KCNQ4: variants seen among roughly 807,000 people sequenced by gnomAD.
KCNQ4 encodes potassium voltage-gated channel subfamily KQT member 4.
In KCNQ4, 31 loss-of-function variants were observed where a neutral mutation model predicts 72.6. The observed-to-expected ratio is 0.43, with a 90% CI of 0.32 to 0.58. The LOEUF (loss-of-function observed/expected upper bound fraction) is 0.58. Among genes scored for constraint, KCNQ4 ranks in the 20% least tolerant of loss-of-function variants. KCNQ4 has a pLI of 0.08. For missense variants in KCNQ4, 869 were observed against 962.6 expected, an observed-to-expected ratio of 0.90 and a Z score of 1.29; for synonymous variants, 405 against 403.7, an observed-to-expected ratio of 1.00 and a Z score of -0.04.
At chr1:40,787,639 G>C (rs551124110) in intron 1 of KCNQ4, among the ~76,000 whole-genome samples, 2 of 152,260 alleles carry the variant, frequency 1.3e-5, no homozygotes, top group Admixed American at 1.3e-4. Flanking sequence ...GGGCCACTGA[G>C]CCCCTCTCCA....
chr1:40,787,917 C>G (rs1237078768), intron 1 of KCNQ4, among the ~76,000 whole-genome samples: 2 of 152,198 alleles, frequency 1.3e-5, no homozygotes, highest in South Asian at 4.1e-4. Flanking sequence ...CTTCATCCTC[C>G]CCAGCCACTA....
chr1:40,811,863 C>T (rs1558006297), intron 1 of KCNQ4, among the ~76,000 whole-genome samples: 1 of 152,182 alleles, frequency 6.6e-6, no homozygotes, highest in Non-Finnish European at 1.5e-5. Context: ...TTAGAGAGGG[C>T]CCAGGCCAGC....
At chr1:40,796,915 CAAATAAATAAATAAAT>C (rs3070277) in intron 1 of KCNQ4, among the ~76,000 whole-genome samples, 1 of 147,266 alleles carries the variant, frequency 6.8e-6, no homozygotes, top group East Asian at 2.0e-4. Flanking sequence ...GAGACTCCAT[CAAATAAATAAATAAAT>C]AAATAAATAA....
At chr1:40,803,282 G>A (rs1647640139) in intron 1 of KCNQ4, among the ~76,000 whole-genome samples, 1 of 152,146 alleles carries the variant, frequency 6.6e-6, no homozygotes, top group African/African-American at 2.4e-5. Context: ...AAAAAATAGG[G>A]CCCTCAGAGA....
intron 8 of KCNQ4, 141 bp downstream of exon 8, chr1:40,822,543 A>T (rs943914760): frequency 1.3e-5 from 9 of 676,732 alleles, no homozygotes; most frequent in Non-Finnish European, 2.4e-5. Context: ...TGCAGATCCT[A>T]TGTAATTCAG....
At chr1:40,836,616 T>G (rs928275428) in intron 12 of KCNQ4, among the ~76,000 whole-genome samples, 13 of 152,104 alleles carry the variant, frequency 8.5e-5, no homozygotes, top group African/African-American at 3.1e-4. Context: ...CTGCAGTGTT[T>G]CCAGGTTGCA....
chr1:40,809,427 C>T (rs1289112560), intron 1 of KCNQ4, among the ~76,000 whole-genome samples: 1 of 152,124 alleles, frequency 6.6e-6, no homozygotes, highest in Non-Finnish European at 1.5e-5. Flanking sequence ...CTCAACATGC[C>T]CACCACCCAA....
At chr1:40,820,050 C>G (rs1648240942) in intron 6 of KCNQ4, 65 bp downstream of exon 6, 5 of 1,544,252 alleles carry the variant, frequency 3.2e-6, no homozygotes, top group Non-Finnish European at 4.5e-6. Flanking sequence ...CCCTGTCACA[C>G]ATTTGCCTGG....
chr1:40,826,893 C>T (rs1438173957), intron 9 of KCNQ4, among the ~76,000 whole-genome samples: 1 of 152,272 alleles, frequency 6.6e-6, no homozygotes, highest in Non-Finnish European at 1.5e-5. Context: ...CCAGGAGGGG[C>T]ACGTGCAGGA....
chr1:40,790,286 G>A (rs928124817), intron 1 of KCNQ4, among the ~76,000 whole-genome samples: 4 of 152,186 alleles, frequency 2.6e-5, no homozygotes, highest in African/African-American at 4.8e-5. Context: ...ATAAGGCACC[G>A]AACACTGCTG....
chr1:40,821,740 A>G (rs1355957286), intron 7 of KCNQ4, among the ~76,000 whole-genome samples: 2 of 152,234 alleles, frequency 1.3e-5, no homozygotes, highest in African/African-American at 4.8e-5. Context: ...TGCAGCGGTA[A>G]CAAAGACACA....
intron 10 of KCNQ4, among the ~76,000 whole-genome samples, chr1:40,832,334 CAG>C (rs1486831325): frequency 1.3e-5 from 2 of 152,150 alleles, no homozygotes; most frequent in Non-Finnish European, 2.9e-5. Flanking sequence ...GCTGACACCT[CAG>C]AGTTTACAGA....
At chr1:40,807,702 C>T (rs891973968) in intron 1 of KCNQ4, among the ~76,000 whole-genome samples, 3 of 152,168 alleles carry the variant, frequency 2.0e-5, no homozygotes, top group Non-Finnish European at 4.4e-5. Flanking sequence ...GTATCAGCTC[C>T]GGTTTGGGGT....
At position 40,834,484 on chromosome 1, in the gene KCNQ4, C is replaced by T. The variant is rs917230143; in HGVS notation, c.1614-483C>T. Reference sequence around the variant, plus strand: ...ACTGAGCCGGGAACAGTGGGTCACACCTGTAGTCCCAGCACTTTGGGAGGC... The same window carrying T: ...ACTGAGCCGGGAACAGTGGGTCACATCTGTAGTCCCAGCACTTTGGGAGGC... On this transcript the variant is annotated intron_variant, in intron 11 of 13. Coordinates refer to ENST00000347132, the MANE Select transcript of KCNQ4 (RefSeq NM_004700.4). Among the ~76,000 whole-genome samples the T allele has an allele frequency of 2.0e-5, 3 of 152,114 alleles. No individual in the cohort carries two copies. In the South Asian group the frequency reaches 6.2e-4, roughly 31 times the overall value.
At chr1:40,815,574 G>A (rs978834711) in intron 1 of KCNQ4, among the ~76,000 whole-genome samples, 3 of 152,130 alleles carry the variant, frequency 2.0e-5, no homozygotes, top group Non-Finnish European at 2.9e-5. Context: ...CCCGTACCCC[G>A]TGTTTTTGCT....
At chr1:40,807,538 A>C (rs955041696) in intron 1 of KCNQ4, among the ~76,000 whole-genome samples, 2 of 152,140 alleles carry the variant, frequency 1.3e-5, no homozygotes, top group South Asian at 2.1e-4. Context: ...GATTCTTGGA[A>C]AGAGCCTCGC....
chr1:40,815,154 C>T (rs1466843874), intron 1 of KCNQ4, among the ~76,000 whole-genome samples: 2 of 151,152 alleles, frequency 1.3e-5, no homozygotes, highest in African/African-American at 4.9e-5. Flanking sequence ...GCAGCAGAAT[C>T]GCTTGAACCC....
intron 9 of KCNQ4, 53 bp downstream of exon 9, chr1:40,824,311 A>G: frequency 1.3e-6 from 2 of 1,561,810 alleles, no homozygotes; most frequent in Non-Finnish European, 1.7e-6. Flanking sequence ...CTCTTCTTCC[A>G]TTCTCTGTCT....
rs1466083610 is a variant in KCNQ4 at position 40,831,191 on chromosome 1, G to A, written c.1400G>A (p.Ser467Asn). The A allele has an allele frequency of 1.2e-6, 2 of 1,610,724 alleles. No individual in the cohort carries two copies. The highest frequency in any genetic ancestry group is 2.2e-5 in the South Asian group (2 of 90,376). Reference protein sequence around the residue: ...APPTMPTSPSSEQVGEATSPT... With the variant: ...APPTMPTSPSNEQVGEATSPT... ...CCAACAATGCCCACCTCCCCAAGCA[G>A]CGAGCAGGTGGGTGAGGCCACCAGC... Residue 467 changes from serine (S) to asparagine (N), a missense_variant, in exon 10 of 14, where the codon AGC (serine) becomes AAC (asparagine). This residue lies in a region of KCNQ4 where 480 missense variants were observed against 501.9 expected (regional missense o/e 0.96). Coordinates refer to ENST00000347132, the MANE Select transcript of KCNQ4 (RefSeq NM_004700.4).
Sources: gnomAD v4.1 joint callset for allele counts (sites outside exome capture counted in the v4.1 genomes callset) on GRCh38, gnomAD v4.1.1 for gene constraint, gnomAD v4.1.1 regional missense constraint, MANE v1.5 for transcripts, NCBI Gene and HGNC (gene_info 2026-07-23, HGNC 2026-07-21) for gene names.